The following DPP6 variants were observed in gnomAD, a reference collection of about 807,000 sequenced individuals.
DPP6 encodes the protein dipeptidyl peptidase like 6, also known as A-type potassium channel modulatory protein DPP6.
DPP6 carries 69 observed loss-of-function variants against 122.6 expected under a neutral mutation model. The observed-to-expected ratio is 0.56, with a 90% confidence interval of 0.46 to 0.69. DPP6 has a LOEUF of 0.69. Among genes scored for constraint, DPP6 ranks in the 30% least tolerant of loss-of-function variants. The pLI, the probability that DPP6 is intolerant of heterozygous loss-of-function variation, is 0.00. For synonymous variants in DPP6, 418 were observed against 433.1 expected, an observed-to-expected ratio of 0.97 and a Z score of 0.43; for missense variants, 928 against 1,116.9, an observed-to-expected ratio of 0.83 and a Z score of 2.41.
intron 16 of DPP6, among the ~76,000 whole-genome samples, chr7:154,850,043 ATTGT>A (rs1802251289): frequency 6.6e-6 from 1 of 152,170 alleles, no homozygotes; most frequent in Non-Finnish European, 1.5e-5. Context: ...TTTTAAAAAA[ATTGT>A]TTATTTCCAT....
At chr7:154,301,052 C>T (rs1435162424) in intron 1 of DPP6, among the ~76,000 whole-genome samples, 1 of 152,180 alleles carries the variant, frequency 6.6e-6, no homozygotes, top group Non-Finnish European at 1.5e-5. Flanking sequence ...TCAAGTTCTG[C>T]TGTGACTTAC....
chr7:153,847,565 G>C, the DPP6 span, among the ~76,000 whole-genome samples: 16 of 152,300 alleles, frequency 1.1e-4, no homozygotes, highest in African/African-American at 3.6e-4. Context: ...TTAGTTAACA[G>C]TTACATTCAG....
At chr7:153,854,277 T>G in the DPP6 span, among the ~76,000 whole-genome samples, 2 of 152,058 alleles carry the variant, frequency 1.3e-5, no homozygotes, top group African/African-American at 2.4e-5. Context: ...AGTCAGGTAG[T>G]GTGATGCCTC....
intron 1 of DPP6, among the ~76,000 whole-genome samples, chr7:153,965,754 G>A (rs1312503472): frequency 6.6e-6 from 1 of 151,850 alleles, no homozygotes; most frequent in Non-Finnish European, 1.5e-5. Context: ...ACTTTGCGAG[G>A]CCCAGACAGG....
the DPP6 span, among the ~76,000 whole-genome samples, chr7:153,762,164 T>C: frequency 6.6e-6 from 1 of 152,230 alleles, no homozygotes; most frequent in African/African-American, 2.4e-5. Context: ...AGTTATTACA[T>C]AACATTTTCT....
At chr7:153,835,389 A>G in the DPP6 span, among the ~76,000 whole-genome samples, 23 of 151,578 alleles carry the variant, frequency 1.5e-4, no homozygotes, top group South Asian at 4.8e-3. Flanking sequence ...CGGTTTTATG[A>G]CTGTGTGGAA....
chr7:154,688,452 TA>T, intron 7 of DPP6, among the ~76,000 whole-genome samples: 1 of 152,348 alleles, frequency 6.6e-6, no homozygotes, highest in South Asian at 2.1e-4. Flanking sequence ...TTTCATTTTG[TA>T]AATGTAATTT....
intron 5 of DPP6, among the ~76,000 whole-genome samples, chr7:154,608,294 C>G (rs1239525990): frequency 8.3e-6 from 1 of 120,806 alleles, no homozygotes; most frequent in Non-Finnish European, 1.8e-5. Context: ...TTTCTAAATA[C>G]CATGCTTGCA....
At chr7:153,820,701 A>G in the DPP6 span, among the ~76,000 whole-genome samples, 1 of 152,312 alleles carries the variant, frequency 6.6e-6, no homozygotes, top group South Asian at 2.1e-4. Context: ...AAAGAAAATC[A>G]GTTTGGTGGA....
At chr7:154,341,722 C>T (rs1486305783) in intron 1 of DPP6, among the ~76,000 whole-genome samples, 2 of 151,830 alleles carry the variant, frequency 1.3e-5, no homozygotes, top group Admixed American at 6.6e-5. Flanking sequence ...TTGTGTTTCA[C>T]TTTTCTCCTT....
At chr7:154,102,736 A>G (rs1805841739) in intron 1 of DPP6, among the ~76,000 whole-genome samples, 1 of 152,092 alleles carries the variant, frequency 6.6e-6, no homozygotes, top group South Asian at 2.1e-4. Flanking sequence ...CTGTTTCTCT[A>G]TTTCATGTCA....
intron 1 of DPP6, among the ~76,000 whole-genome samples, chr7:153,940,837 C>T (rs943484211): frequency 1.3e-5 from 2 of 152,162 alleles, no homozygotes; most frequent in South Asian, 2.1e-4. Flanking sequence ...GCGGTGTGTT[C>T]GCCAAGCATA....
At chr7:154,408,000 TA>T in intron 1 of DPP6, among the ~76,000 whole-genome samples, 1 of 152,222 alleles carries the variant, frequency 6.6e-6, no homozygotes, top group Admixed American at 6.5e-5. Flanking sequence ...CATGAGTTAA[TA>T]AAGTCCTTAA....
At chr7:154,355,515 A>G (rs1811201812) in intron 1 of DPP6, among the ~76,000 whole-genome samples, 2 of 152,328 alleles carry the variant, frequency 1.3e-5, no homozygotes, top group South Asian at 2.1e-4. Flanking sequence ...ATTTAGATCT[A>G]TGATGATCCA....
intron 5 of DPP6, among the ~76,000 whole-genome samples, chr7:154,631,681 AAG>A (rs1835419308): frequency 6.6e-6 from 1 of 151,930 alleles, no homozygotes; most frequent in African/African-American, 2.4e-5. Context: ...AAAAAAAAAA[AAG>A]GAAGGAGCAG....
At chr7:154,725,848 T>C (rs1842038379) in intron 7 of DPP6, among the ~76,000 whole-genome samples, 1 of 152,214 alleles carries the variant, frequency 6.6e-6, no homozygotes, top group Non-Finnish European at 1.5e-5. Flanking sequence ...AGATAGTTCC[T>C]TCCAAAATAC....
intron 3 of DPP6, among the ~76,000 whole-genome samples, chr7:154,508,035 G>T (rs1406759134): frequency 6.6e-6 from 1 of 152,136 alleles, no homozygotes; most frequent in African/African-American, 2.4e-5. Context: ...CCCCAACTCT[G>T]CTATGTATTA....
At chr7:154,526,527 T>C (rs1586543892) in intron 3 of DPP6, among the ~76,000 whole-genome samples, 1 of 152,316 alleles carries the variant, frequency 6.6e-6, no homozygotes, top group East Asian at 1.9e-4. Flanking sequence ...ATGTGTCTAG[T>C]ATAAATGAGG....
chr7:154,574,105 A>T (rs1019005273), intron 5 of DPP6, among the ~76,000 whole-genome samples: 1 of 152,250 alleles, frequency 6.6e-6, no homozygotes, highest in Non-Finnish European at 1.5e-5. Flanking sequence ...TAAAAGCACA[A>T]GCTTAGGCAT....
Sources: allele counts gnomAD v4.1 joint callset (sites outside exome capture counted in the v4.1 genomes callset), GRCh38; gene constraint gnomAD v4.1.1; transcripts MANE v1.5; gene names NCBI Gene and HGNC (gene_info 2026-07-23, HGNC 2026-07-21).